BRD2: variants seen among roughly 807,000 people sequenced by gnomAD.
BRD2 encodes the protein bromodomain containing 2.
In BRD2, 15 loss-of-function variants were observed where a neutral mutation model predicts 79.1. The ratio of observed to expected loss-of-function variants is 0.19; its 90% confidence interval spans 0.13 to 0.29. The LOEUF is 0.29. BRD2 is among the 10% of genes least tolerant of loss of function. The pLI, the probability that BRD2 is intolerant of heterozygous loss-of-function variation, is 1.00. For missense variants in BRD2, 1,053 were observed against 991.3 expected, an observed-to-expected ratio of 1.06 and a Z score of -0.84; for synonymous variants, 488 against 358.6, an observed-to-expected ratio of 1.36 and a Z score of -4.08.
At position 32,972,925 on chromosome 6, in the gene BRD2, T is replaced by C. The variant is rs748797118; in HGVS notation, c.27T>C (p.Asn9=). 6.2e-7 allele frequency: 1 copy of C among 1,613,934 alleles called. No individual in the cohort carries two copies. Among genetic ancestry groups the C allele is most frequent in the Non-Finnish European group, 8.5e-7 (1 of 1,179,942 alleles). Residue 9 remains asparagine, a splice_region_variant and synonymous_variant, in exon 2 of 13, where the codon AAT becomes AAC. Transcript: ENST00000374825. ...TGCTGCAAAACGTGACTCCCCACAA[T>C]AAGTACGTTTCCGCGAGCCGCGTGT... The part of the protein sequence containing the change: MLQNVTPH[N]KLPGEGNAGL...
Position 32,975,499 on chromosome 6 carries a change from C to G in BRD2, c.449C>G (p.Thr150Ser). The change falls in exon 4 of 13, where the codon ACC (threonine) becomes AGC (serine). Residue 150 changes from threonine (T) to serine (S), a missense_variant. Coordinates refer to ENST00000374825, the MANE Select transcript of BRD2 (RefSeq NM_005104.4). ...ECMQDFNTMF[T>S]NCYIYNKPTD... Reference sequence around the variant, plus strand: ...ATGCAAGATTTTAATACCATGTTCACCAACTGTTACATTTACAACAAGGTG... The same window carrying G: ...ATGCAAGATTTTAATACCATGTTCAGCAACTGTTACATTTACAACAAGGTG... The G allele has an allele frequency of 6.2e-7, 1 of 1,612,358 alleles. No homozygotes were observed. The highest frequency in any genetic ancestry group is 1.1e-5 in the South Asian group (1 of 90,880).
At chr6:32,974,944 T>A in intron 3 of BRD2, 179 bp downstream of exon 3, 1 of 1,417,916 alleles carries the variant, frequency 7.1e-7, no homozygotes, top group South Asian at 1.2e-5. Context: ...GACCGCTTGC[T>A]GTAACTATCT....
rs1202061917 is a variant in BRD2 at position 32,980,684 on chromosome 6, C to T, written c.2372C>T (p.Ser791Leu). Residue 791 changes from serine (S) to leucine (L), a missense_variant, in exon 13 of 13, where the codon TCG becomes TTG. Physicochemically the swap from Ser to Leu is moderately radical, Grantham distance 145 (BLOSUM62 -2). This residue lies in a region of BRD2 where 139 missense variants were observed against 133.2 expected (regional missense o/e 1.04). Transcript: ENST00000374825. ...SDSSSSSSSS[S>L]SSDTSDSDSG ...TCCAGCTCCTCCTCTTCCTCGTCGT[C>T]GTCTTCAGACACCAGTGATTCAGAC... 8 of 1,612,998 alleles carry T rather than the reference C, an allele frequency of 5.0e-6. No homozygotes were observed. The highest frequency in any genetic ancestry group is 2.2e-5 in the East Asian group (1 of 44,900).
In BRD2 at chr6:32,978,320, T is replaced by C; in HGVS notation, c.1773T>C (p.Ser591=). Residue 591 remains serine (S), a synonymous_variant, in exon 10 of 13, where the codon AGT becomes AGC. Coordinates refer to ENST00000374825, the MANE Select transcript of BRD2 (RefSeq NM_005104.4). The part of the protein sequence containing the change: ...PPQPKKSKKA[S]GSGGGSAALG... ...AACCTAAGAAGTCCAAGAAAGCAAG[T>C]GGCAGTGGGGGTGGCAGTGCTGCTT... 2.5e-6 allele frequency: 4 copies of C among 1,612,958 alleles called. No homozygotes were observed. Among genetic ancestry groups the C allele is most frequent in the Non-Finnish European group, 3.4e-6 (4 of 1,179,942 alleles).
rs1777727583 is a variant in BRD2 at position 32,969,219 on chromosome 6, G to A, written c.-1305+163G>A. 7.1e-6 allele frequency: 4 copies of A among 562,934 alleles called. No individual in the cohort carries two copies. The East Asian group carries it at 9.0e-5, about 13-fold the overall frequency. The allele number at this position is 562,934 out of a possible 1,614,324, so 34.9% of individuals were successfully genotyped here. A position where few individuals can be genotyped will look rare whatever the true frequency, so the allele number is the denominator to read the frequency against. On this transcript the variant is annotated intron_variant, in intron 1 of 12. Coordinates refer to ENST00000374825, the MANE Select transcript of BRD2 (RefSeq NM_005104.4). ...ATGGGAGCGTGGAGGGGGGGCGAGC[G>A]GGAGAGGGCCATGGGGGGGGAGGGG...
At position 32,974,614 on chromosome 6, in the gene BRD2, C is replaced by T; in HGVS notation, c.182C>T (p.Pro61Leu). ...VPALQLTPANPPPPEVSNPKK... is the reference protein window; with the variant it reads ...VPALQLTPANLPPPEVSNPKK... ...GCTTTGCAACTTACCCCTGCCAACC[C>T]ACCACCCCCGGAGGTGTCCAATCCC... The change falls in exon 3 of 13, where the codon CCA (proline) becomes CTA (leucine). Residue 61 changes from proline to leucine, a missense_variant. Transcript: ENST00000374825. 1 of 1,614,226 alleles carries T rather than the reference C, an allele frequency of 6.2e-7. No homozygotes were observed. The highest frequency in any genetic ancestry group is 8.5e-7 in the Non-Finnish European group (1 of 1,180,046).
chr6:32,973,232 G>C (rs1778270393), intron 2 of BRD2: 3 of 1,359,132 alleles, frequency 2.2e-6, no homozygotes, highest in African/African-American at 1.4e-5. Flanking sequence ...CAGCAGGTTT[G>C]GCGTTTGGTG....
At chr6:32,974,379 A>T (rs1561934229) in intron 2 of BRD2, 83 bp from the exon 3 acceptor site, 2 of 1,410,874 alleles carry the variant, frequency 1.4e-6, no homozygotes, top group Middle Eastern at 2.6e-4. Flanking sequence ...TAGGGCCAGC[A>T]CCTGGATTCA....
rs11037 is a variant in BRD2 at position 32,978,179 on chromosome 6, G to A, written c.1632G>A (p.Lys544=). ...CTCTGTCCCAGGGTCCAATATCCAA[G>A]CCCAAGAGGAAAAGAGAGAAAAAAG... The part of the protein sequence containing the change: ...LAALSQGPIS[K]PKRKREKKEK... Residue 544 remains lysine (K), a synonymous_variant, in exon 10 of 13, where the codon AAG becomes AAA. Coordinates refer to ENST00000374825, the MANE Select transcript of BRD2 (RefSeq NM_005104.4). 35,174 of 1,612,854 alleles carry A rather than the reference G, an allele frequency of 0.022. 557 individuals carry two copies. The highest frequency in any genetic ancestry group is 0.028 in the Non-Finnish European group (32,489 of 1,180,008).
chr6:32,975,211 T>C lies in BRD2; in HGVS notation c.334-173T>C. ...CTGTGGATGTCAAGAATCTTTTTTA[T>C]TTATTTATTTATTTTGTCCCACAGT... On this transcript the variant is annotated intron_variant, in intron 3 of 12. Coordinates refer to ENST00000374825, the MANE Select transcript of BRD2 (RefSeq NM_005104.4). 5 of 1,244,176 alleles carry C rather than the reference T, an allele frequency of 4.0e-6. No homozygotes were observed. The East Asian group carries it at 1.0e-4, about 26-fold the overall frequency. The allele number at this position is 1,244,176 out of a possible 1,614,324, so 77.1% of individuals were successfully genotyped here. A position where few individuals can be genotyped will look rare whatever the true frequency, so the allele number is the denominator to read the frequency against.
In BRD2 at chr6:32,974,988, C is replaced by G. The variant is rs1320303130; in HGVS notation, c.333+223C>G. The G allele has an allele frequency of 2.0e-6, 3 of 1,505,058 alleles. No homozygotes were observed. The Admixed American group carries it at 5.9e-5, about 30-fold the overall frequency. The allele number at this position is 1,505,058 out of a possible 1,614,324, so 93.2% of individuals were successfully genotyped here. On this transcript the variant is annotated intron_variant, in intron 3 of 12. Coordinates refer to ENST00000374825, the MANE Select transcript of BRD2 (RefSeq NM_005104.4). ...TTCCTTGTGCCCTCCATGTGTCCTT[C>G]CTTAACTTTTGTGCCCTGGCTCCAT...
intron 4 of BRD2, 63 bp downstream of exon 4, chr6:32,975,584 A>G (rs1778632511): frequency 2.5e-6 from 4 of 1,576,340 alleles, no homozygotes; most frequent in African/African-American, 1.4e-5. Context: ...TTATTGCTGG[A>G]TATGTTGTCT....
rs774228931 is a variant in BRD2 at position 32,976,563 on chromosome 6, A to G, written c.827A>G (p.Lys276Arg). 3.8e-6 allele frequency: 6 copies of G among 1,592,000 alleles called. No homozygotes were observed. The African/African-American group carries it at 6.7e-5, about 18-fold the overall frequency. The part of the protein sequence containing the change: ...AAPPAQPLAK[K>R]KGVKRKADTT... ...TCCCTATCTTGTTTCTTTCTGCAGA[A>G]AAAAGGCGTAAAGCGGAAAGCAGAT... Residue 276 changes from lysine to arginine, a missense_variant and splice_region_variant, in exon 7 of 13, where the codon AAA becomes AGA. This residue lies in a region of BRD2 where 413 missense variants were observed against 335.1 expected (regional missense o/e 1.23). Transcript: ENST00000374825.
chr6:32,972,955 A>G, intron 2 of BRD2, 28 bp downstream of exon 2: 1 of 1,613,962 alleles, frequency 6.2e-7, no homozygotes, highest in East Asian at 2.2e-5. Context: ...GCGTGTGGGA[A>G]GGGGATGTTG....
intron 2 of BRD2, chr6:32,973,275 T>C (rs1326168144): frequency 1.0e-6 from 1 of 956,134 alleles, no homozygotes; most frequent in East Asian, 3.4e-5. Flanking sequence ...TGTTAGCCTT[T>C]TAGGGGGGAT....
At position 32,974,587 on chromosome 6, in the gene BRD2, C is replaced by T. The variant is rs1582897459; in HGVS notation, c.155C>T (p.Pro52Leu). 7 of 1,614,266 alleles carry T rather than the reference C, an allele frequency of 4.3e-6. No homozygotes were observed. The highest frequency in any genetic ancestry group is 5.9e-6 in the Non-Finnish European group (7 of 1,180,042). The change falls in exon 3 of 13, where the codon CCT becomes CTT. Residue 52 changes from proline to leucine, a missense_variant. This residue lies in a region of BRD2 where 413 missense variants were observed against 335.1 expected (regional missense o/e 1.23). Transcript: ENST00000374825. ...GAGAGCCCCACAATGGCTTCGGTGC[C>T]TGCTTTGCAACTTACCCCTGCCAAC... ...GFESPTMASVPALQLTPANPP... is the reference protein window; with the variant it reads ...GFESPTMASVLALQLTPANPP...
chr6:32,975,880 G>A (rs1362925817), intron 4 of BRD2, 151 bp from the exon 5 acceptor site: 1 of 944,520 alleles, frequency 1.1e-6, no homozygotes, highest in Non-Finnish European at 1.5e-6. Context: ...TAGTGGCCTG[G>A]AGTAGGAAAT....
intron 4 of BRD2, 120 bp downstream of exon 4, chr6:32,975,641 G>T (rs186693780): frequency 7.8e-7 from 1 of 1,290,122 alleles, no homozygotes; most frequent in Non-Finnish European, 1.1e-6. Context: ...TCCAGGTAGG[G>T]TAGTCGGAGT....
chr6:32,978,285 C>T lies in BRD2; in HGVS notation c.1738C>T (p.Arg580Cys), dbSNP rs144552033. Residue 580 changes from arginine to cysteine, a missense_variant, in exon 10 of 13, where the codon CGC becomes TGC. Physicochemically the swap from Arg to Cys is radical, Grantham distance 180. Transcript: ENST00000374825. ...AGATGACAAGGGGCCTAGGGCACCC[C>T]GCCCACCTCAACCTAAGAAGTCCAA... is the stretch of plus-strand genomic sequence containing the variant. The part of the protein sequence containing the change: ...DEDDKGPRAP[R>C]PPQPKKSKKA... 107 of 1,613,034 alleles carry T rather than the reference C, an allele frequency of 6.6e-5. No individual in the cohort carries two copies. The East Asian group carries it at 1.8e-3, about 28-fold the overall frequency.
Sources: gnomAD v4.1 joint callset for allele counts on GRCh38, gnomAD v4.1.1 for gene constraint, gnomAD v4.1.1 regional missense constraint, MANE v1.5 for transcripts, NCBI Gene and HGNC (gene_info 2026-07-23, HGNC 2026-07-21) for gene names.